Variants in COX7B2 observed in about 807,000 individuals in gnomAD.
COX7B2 encodes the protein cytochrome c oxidase subunit 7B2.
For missense variants in COX7B2, 109 were observed against 95.9 expected, an observed-to-expected ratio of 1.14 and a Z score of -0.57; for synonymous variants, 37 against 32.1, an observed-to-expected ratio of 1.15 and a Z score of -0.51.
intron 1 of COX7B2, among the ~76,000 whole-genome samples, chr4:46,908,412 C>T (rs1720538434): frequency 6.6e-6 from 1 of 152,202 alleles, no homozygotes. Flanking sequence ...TTTGCTGAGT[C>T]CCTCAAAGCT....
chr4:46,851,326 C>A (rs1716664750), intron 1 of COX7B2, among the ~76,000 whole-genome samples: 1 of 151,880 alleles, frequency 6.6e-6, no homozygotes, highest in African/African-American at 2.4e-5. Flanking sequence ...TTCTCTTACT[C>A]CAGATTTAAC....
intron 2 of COX7B2, among the ~76,000 whole-genome samples, chr4:46,749,661 T>C (rs1165121405): frequency 1.3e-5 from 2 of 152,220 alleles, no homozygotes; most frequent in Non-Finnish European, 2.9e-5. Flanking sequence ...ACCTGTCACA[T>C]AATTATAGAA....
chr4:46,744,362 G>A (rs1714894701), intron 2 of COX7B2, among the ~76,000 whole-genome samples: 1 of 151,782 alleles, frequency 6.6e-6, no homozygotes, highest in Non-Finnish European at 1.5e-5. Context: ...CTTAATTTCA[G>A]TCGGTCGGAG....
chr4:46,735,308 T>C, intron 2 of COX7B2, 67 bp from the exon 3 acceptor site: 2 of 1,175,078 alleles, frequency 1.7e-6, no homozygotes, highest in African/African-American at 3.1e-5. Flanking sequence ...TTTGAATGTC[T>C]GGCTACATCA....
At chr4:46,738,667 G>A (rs1049705632) in intron 2 of COX7B2, among the ~76,000 whole-genome samples, 2 of 151,870 alleles carry the variant, frequency 1.3e-5, no homozygotes, top group African/African-American at 4.8e-5. Flanking sequence ...ATTATCTAAA[G>A]AACTAAAGCT....
At chr4:46,793,030 G>A (rs373696370) in intron 2 of COX7B2, among the ~76,000 whole-genome samples, 1 of 152,210 alleles carries the variant, frequency 6.6e-6, no homozygotes, top group African/African-American at 2.4e-5. Flanking sequence ...ACAAAACACG[G>A]CTTGGCAGTC....
At chr4:46,770,290 G>T (rs780784900) in intron 2 of COX7B2, among the ~76,000 whole-genome samples, 10 of 151,924 alleles carry the variant, frequency 6.6e-5, no homozygotes, top group Non-Finnish European at 1.0e-4. Flanking sequence ...TTTAACCAAG[G>T]ATGTTAAAAA....
intron 1 of COX7B2, among the ~76,000 whole-genome samples, chr4:46,868,124 T>C (rs900363525): frequency 6.6e-6 from 1 of 152,122 alleles, no homozygotes; most frequent in East Asian, 1.9e-4. Context: ...ATATATCCTA[T>C]AATTTATCCA....
chr4:46,904,142 C>G (rs1327179806), intron 1 of COX7B2: 1 of 152,028 alleles, frequency 6.6e-6, no homozygotes, highest in Non-Finnish European at 1.5e-5. Context: ...TGAAAACACA[C>G]AAATTCCTTT....
chr4:46,762,430 CTATATATACTGTA>C lies in COX7B2; in HGVS notation c.-49-27202_-49-27190del, dbSNP rs1426071376. Among the ~76,000 whole-genome samples the C allele has an allele frequency of 2.0e-4, 27 of 131,784 alleles. No individual in the cohort carries two copies. In the East Asian group the frequency reaches 5.3e-3, roughly 26 times the overall value. 86.5% of individuals were successfully genotyped at this position (131,784 alleles called of 152,430 possible). On this transcript the variant is annotated intron_variant, in intron 2 of 2. Transcript: ENST00000355591. ...TAATATTATATAATATATATATTTA[CTATATATACTGTA>C]TATATATACTATATATAGTATATGT...
At chr4:46,844,627 T>C (rs1314257837) in intron 2 of COX7B2, among the ~76,000 whole-genome samples, 2 of 152,066 alleles carry the variant, frequency 1.3e-5, no homozygotes. Flanking sequence ...TGCTTATCTT[T>C]TGAAAATGTT....
chr4:46,901,698 T>C (rs933140062), intron 1 of COX7B2, among the ~76,000 whole-genome samples: 4 of 152,190 alleles, frequency 2.6e-5, no homozygotes, highest in African/African-American at 7.2e-5. Flanking sequence ...AGCCAATCTA[T>C]TGGGGGTCCA....
At chr4:46,802,497 G>GT (rs903240186) in intron 2 of COX7B2, among the ~76,000 whole-genome samples, 34 of 150,878 alleles carry the variant, frequency 2.3e-4, no homozygotes, top group African/African-American at 6.9e-4. Flanking sequence ...TTTTCCAGTT[G>GT]TTTTTTTAAA....
intron 2 of COX7B2, among the ~76,000 whole-genome samples, chr4:46,818,385 G>A (rs1273522746): frequency 1.3e-5 from 2 of 152,266 alleles, no homozygotes; most frequent in South Asian, 2.1e-4. Context: ...TGTAAACCCA[G>A]CACTTTGGGA....
chr4:46,804,333 T>C (rs531145027), intron 2 of COX7B2, among the ~76,000 whole-genome samples: 1 of 152,320 alleles, frequency 6.6e-6, no homozygotes, highest in South Asian at 2.1e-4. Context: ...TTGCCACTGC[T>C]GGCTCTGGCA....
In COX7B2 at chr4:46,734,948, T is replaced by G. The variant is rs759649183; in HGVS notation, c.245A>C (p.Ter82SerextTer6). ...CTGTCATTACAGCAACTGTGATGGTTACTGATGTTTCCACTCTTTTGGGGT... is the reference window on the plus strand; with the variant it reads ...CTGTCATTACAGCAACTGTGATGGTGACTGATGTTTCCACTCTTTTGGGGT... ...RVTPKEWKHQ[*>S] Residue 82 changes from the stop codon to serine (S), a stop_lost, in exon 3 of 3, where the codon TAA becomes TCA. Coordinates refer to ENST00000355591, the MANE Select transcript of COX7B2 (RefSeq NM_130902.3). 6.2e-7 allele frequency: 1 copy of G among 1,614,068 alleles called. No individual in the cohort carries two copies. Among genetic ancestry groups the G allele is most frequent in the Non-Finnish European group, 8.5e-7 (1 of 1,179,950 alleles).
intron 1 of COX7B2, among the ~76,000 whole-genome samples, chr4:46,884,460 G>A (rs1319807903): frequency 6.6e-6 from 1 of 152,180 alleles, no homozygotes; most frequent in Non-Finnish European, 1.5e-5. Flanking sequence ...TGAAGCAACA[G>A]AAAATATTCT....
At chr4:46,747,298 T>TTTTATTTTATTTTA (rs151135112) in intron 2 of COX7B2, among the ~76,000 whole-genome samples, 22,533 of 149,246 alleles carry the variant, frequency 0.15, 1,909 homozygotes, top group South Asian at 0.35. Context: ...TTTTATTTTA[T>TTTTATTTTATTTTA]TTTATTTTAT....
intron 2 of COX7B2, among the ~76,000 whole-genome samples, chr4:46,835,447 C>T (rs575265499): frequency 6.6e-6 from 1 of 151,466 alleles, no homozygotes; most frequent in East Asian, 1.9e-4. Flanking sequence ...CTCAAAAACA[C>T]ACACACACAT....
Sources: gnomAD v4.1 joint callset for allele counts (sites outside exome capture counted in the v4.1 genomes callset) on GRCh38, gnomAD v4.1.1 for gene constraint, MANE v1.5 for transcripts, NCBI Gene and HGNC (gene_info 2026-07-23, HGNC 2026-07-21) for gene names.